ZFPM1: variants seen among roughly 807,000 people sequenced by gnomAD.
ZFPM1 encodes the protein zinc finger protein ZFPM1.
In ZFPM1, 28 loss-of-function variants were observed where a neutral mutation model predicts 46.3. The ratio of observed to expected loss-of-function variants is 0.60; its 90% CI spans 0.45 to 0.83. The LOEUF is 0.83. ZFPM1 is among the 40% of genes least tolerant of loss of function. The pLI is 0.00. For missense variants in ZFPM1, 1,878 were observed against 1,432.4 expected (o/e 1.31, Z -5.02); for synonymous variants, 957 against 675.9 (o/e 1.42, Z -6.45).
rs78814242 is a variant in ZFPM1 at position 88,492,764 on chromosome 16, C to A, written c.268+3611C>A. 1.6e-3 allele frequency among the ~76,000 whole-genome samples: 245 copies of A among 152,288 alleles called. 1 individual carries two copies. Among genetic ancestry groups the A allele is most frequent in the African/African-American group, 5.7e-3 (237 of 41,558 alleles). ...ATGGGTCCAGCCAGGCTGCCCTGTCCCTGGTGGTCCCAGACTCCCTGGAGG... is the reference window on the plus strand; with the variant it reads ...ATGGGTCCAGCCAGGCTGCCCTGTCACTGGTGGTCCCAGACTCCCTGGAGG... On this transcript the variant is annotated intron_variant, in intron 3 of 9. Transcript: ENST00000319555.
intron 3 of ZFPM1, among the ~76,000 whole-genome samples, chr16:88,511,178 T>C (rs1910940053): frequency 6.6e-6 from 1 of 152,146 alleles, no homozygotes; most frequent in Non-Finnish European, 1.5e-5. Flanking sequence ...GAGCTGTCGG[T>C]GCCGGTGGGG....
chr16:88,467,632 C>T (rs1304395215), intron 1 of ZFPM1, among the ~76,000 whole-genome samples: 4 of 152,202 alleles, frequency 2.6e-5, no homozygotes, highest in Non-Finnish European at 4.4e-5. Flanking sequence ...CCCCGGGCCT[C>T]GCAGCTGCCT....
chr16:88,527,636 C>T (rs1912450822), intron 5 of ZFPM1, among the ~76,000 whole-genome samples: 1 of 152,028 alleles, frequency 6.6e-6, no homozygotes, highest in Non-Finnish European at 1.5e-5. Context: ...CTGCCCCCTG[C>T]GGGTGGCTGC....
intron 1 of ZFPM1, among the ~76,000 whole-genome samples, chr16:88,462,714 C>T (rs1445640529): frequency 1.3e-5 from 2 of 152,174 alleles, no homozygotes; most frequent in Non-Finnish European, 2.9e-5. Flanking sequence ...GGGAGGTTAC[C>T]TTGCTTCTCC....
At chr16:88,527,373 G>C (rs1912423786) in intron 5 of ZFPM1, among the ~76,000 whole-genome samples, 1 of 152,202 alleles carries the variant, frequency 6.6e-6, no homozygotes, top group Non-Finnish European at 1.5e-5. Flanking sequence ...GCCTTGCCGT[G>C]CTGCTGCTAC....
intron 3 of ZFPM1, 120 bp from the exon 4 acceptor site, chr16:88,514,267 C>T (rs1343062886): frequency 1.2e-5 from 17 of 1,468,546 alleles, no homozygotes; most frequent in Non-Finnish European, 1.5e-5. Context: ...CGGCCCCTGC[C>T]ATTCACCCCA....
At chr16:88,461,067 C>CAGGGGCAGAAGGTCTGGTGAGGACCA (rs1907830793) in intron 1 of ZFPM1, among the ~76,000 whole-genome samples, 1 of 66,922 alleles carries the variant, frequency 1.5e-5, no homozygotes, top group Non-Finnish European at 2.6e-5. Context: ...GGTGAGGACC[C>CAGGGGCAGAAGGTCTGGTGAGGACCA]AGGGGCAGAA....
In ZFPM1 at chr16:88,534,224, C is replaced by T. The variant is rs1336868303; in HGVS notation, c.2266C>T (p.Pro756Ser). Reference sequence around the variant, plus strand: ...CGAGCTGCACGCGGCCGGCGCCCCGCCCCCCCCGCCGCCCGGCCACGCCCC... The same window carrying T: ...CGAGCTGCACGCGGCCGGCGCCCCGTCCCCCCCGCCGCCCGGCCACGCCCC... ...LYELHAAGAP[P>S]PPPPGHAPAP... The change falls in exon 10 of 10, where the codon CCC becomes TCC. Residue 756 changes from proline to serine, a missense_variant. Transcript: ENST00000319555. 2.0e-6 allele frequency: 2 copies of T among 976,884 alleles called. No individual in the cohort carries two copies. Among genetic ancestry groups the T allele is most frequent in the Non-Finnish European group, 1.2e-6 (1 of 825,184 alleles). The allele number at this position is 976,884 out of a possible 1,614,324, so 60.5% of individuals were successfully genotyped here.
intron 3 of ZFPM1, among the ~76,000 whole-genome samples, chr16:88,513,770 C>G (rs538102762): frequency 3.3e-5 from 5 of 152,296 alleles, no homozygotes; most frequent in African/African-American, 9.6e-5. Context: ...GCACCAGGCT[C>G]CTTCCAGAGG....
intron 1 of ZFPM1, among the ~76,000 whole-genome samples, chr16:88,456,062 G>A (rs1438307574): frequency 3.3e-5 from 5 of 152,278 alleles, no homozygotes; most frequent in Non-Finnish European, 7.3e-5. Context: ...GCGAGTGGGG[G>A]CTTGGAACGG....
intron 1 of ZFPM1, among the ~76,000 whole-genome samples, chr16:88,464,927 C>T (rs1272846342): frequency 2.6e-5 from 4 of 152,220 alleles, no homozygotes; most frequent in Non-Finnish European, 5.9e-5. Context: ...CGTCCATTTC[C>T]ACTCCTCCCG....
chr16:88,481,640 C>G (rs917902129), intron 1 of ZFPM1, among the ~76,000 whole-genome samples: 1 of 152,034 alleles, frequency 6.6e-6, no homozygotes, highest in African/African-American at 2.4e-5. Flanking sequence ...ACCGAGTCCC[C>G]GTACTGTCCT....
At chr16:88,521,088 T>TGGGTGGATGGATGGATGGGA in intron 4 of ZFPM1, among the ~76,000 whole-genome samples, 1 of 110,382 alleles carries the variant, frequency 9.1e-6, no homozygotes, top group Non-Finnish European at 2.1e-5. Context: ...GATGATTAGG[T>TGGGTGGATGGATGGATGGGA]GGGTGGGTGG....
In ZFPM1 at chr16:88,536,527, C is replaced by T. The variant is rs1392050962; in HGVS notation, c.*1548C>T. On this transcript the variant is annotated 3_prime_UTR_variant, in exon 10 of 10. Coordinates refer to ENST00000319555, the MANE Select transcript of ZFPM1 (RefSeq NM_153813.3). Reference sequence around the variant, plus strand: ...ATTTTTTTCAGCTTTGCCCAGCAGCCCTGGTGAGTGCAGGCAAAGAAGGCA... The same window carrying T: ...ATTTTTTTCAGCTTTGCCCAGCAGCTCTGGTGAGTGCAGGCAAAGAAGGCA... The T allele has an allele frequency of 1.3e-5, 2 of 152,212 alleles. No homozygotes were observed. Among genetic ancestry groups the T allele is most frequent in the Admixed American group, 6.5e-5 (1 of 15,292 alleles). The allele number at this position is 152,212 out of a possible 1,614,324, so 9.4% of individuals were successfully genotyped here.
Position 88,533,676 on chromosome 16 carries a change from C to A in ZFPM1, c.1718C>A (p.Ala573Asp), listed in dbSNP as rs771281328. ...GGAQTGLFPG[A>D]PKGATCFECE... The stretch of plus-strand genomic sequence containing the variant: ...GCGCAGACCGGGCTCTTCCCCGGGG[C>A]CCCCAAGGGCGCTACGTGCTTCGAG... The change falls in exon 10 of 10, where the codon GCC becomes GAC. Residue 573 changes from alanine (A) to aspartate (D), a missense_variant. Coordinates refer to ENST00000319555, the MANE Select transcript of ZFPM1 (RefSeq NM_153813.3). The A allele has an allele frequency of 1.1e-5, 17 of 1,488,714 alleles. No homozygotes were observed. In the South Asian group the frequency reaches 2.0e-4, roughly 17 times the overall value. The allele number at this position is 1,488,714 out of a possible 1,614,324, so 92.2% of individuals were successfully genotyped here.
chr16:88,504,862 C>T (rs900672980), intron 3 of ZFPM1, among the ~76,000 whole-genome samples: 1 of 152,202 alleles, frequency 6.6e-6, no homozygotes, highest in Non-Finnish European at 1.5e-5. Context: ...GGGCCTTGCC[C>T]TTTCCCTTAG....
chr16:88,501,829 C>T (rs1454367795), intron 3 of ZFPM1, among the ~76,000 whole-genome samples: 5 of 151,808 alleles, frequency 3.3e-5, no homozygotes, highest in Non-Finnish European at 5.9e-5. Context: ...AGGTAGTGGG[C>T]GTGGGTGCAG....
At chr16:88,493,514 A>G (rs977772468) in intron 3 of ZFPM1, among the ~76,000 whole-genome samples, 834 of 10,762 alleles carry the variant, frequency 0.077, no homozygotes, top group Admixed American at 0.11. Context: ...GAGCTGTCCC[A>G]GGGTGCGGGG....
chr16:88,533,204 G>A lies in ZFPM1; in HGVS notation c.1246G>A (p.Ala416Thr), dbSNP rs765729477. The A allele has an allele frequency of 8.4e-6, 13 of 1,549,806 alleles. No homozygotes were observed. Among genetic ancestry groups the A allele is most frequent in the Non-Finnish European group, 1.0e-5 (12 of 1,157,164 alleles). The change falls in exon 10 of 10, where the codon GCG (alanine) becomes ACG (threonine). Residue 416 changes from alanine (A) to threonine (T), a missense_variant. By Grantham distance (58) the Ala-to-Thr change is moderately conservative. Coordinates refer to ENST00000319555, the MANE Select transcript of ZFPM1 (RefSeq NM_153813.3). ...GGCCCTGCAAGGCCCCCTGGCCTCCGCGGACCTGGGCCTGGCGCCCACCCC... is the reference window on the plus strand; with the variant it reads ...GGCCCTGCAAGGCCCCCTGGCCTCCACGGACCTGGGCCTGGCGCCCACCCC... ...HTALQGPLAS[A>T]DLGLAPTPSP... is the part of the protein sequence containing the mutation.
Sources: allele counts gnomAD v4.1 joint callset (sites outside exome capture counted in the v4.1 genomes callset), GRCh38; gene constraint gnomAD v4.1.1; transcripts MANE v1.5; gene names NCBI Gene and HGNC (gene_info 2026-07-23, HGNC 2026-07-21).